PCNX2: variants seen among roughly 807,000 people sequenced by gnomAD.
PCNX2 encodes pecanex-like protein 2.
In PCNX2, 168 loss-of-function variants were observed where a neutral mutation model predicts 223.8. That is an observed-to-expected ratio of 0.75 (90% confidence interval 0.66 to 0.85). The LOEUF is 0.85. Among genes scored for constraint, PCNX2 ranks in the 40% least tolerant of loss-of-function variants. PCNX2 has a pLI of 0.00. For synonymous variants in PCNX2, 1,006 were observed against 1,052.6 expected, an observed-to-expected ratio of 0.96 and a Z score of 0.86; for missense variants, 2,507 against 2,675.5, an observed-to-expected ratio of 0.94 and a Z score of 1.39.
At chr1:233,263,286 AT>A in intron 1 of PCNX2, 123 bp from the exon 2 acceptor site, 1 of 846,434 alleles carries the variant, frequency 1.2e-6, no homozygotes, top group Non-Finnish European at 1.7e-6. Context: ...AATTAGACTA[AT>A]TTTTTAAGTT....
chr1:233,188,270 T>A (rs985709876), intron 15 of PCNX2, among the ~76,000 whole-genome samples: 1 of 152,138 alleles, frequency 6.6e-6, no homozygotes, highest in Admixed American at 6.5e-5. Context: ...GGCTGTCGGA[T>A]TGCAGTCCCC....
At chr1:233,149,691 A>G (rs1677680626) in intron 19 of PCNX2, among the ~76,000 whole-genome samples, 1 of 152,180 alleles carries the variant, frequency 6.6e-6, no homozygotes, top group African/African-American at 2.4e-5. Context: ...TAGAAACAGG[A>G]TTCACTTACA....
At chr1:233,160,226 T>G (rs754017639) in intron 19 of PCNX2, 57 bp downstream of exon 19, 175 of 1,551,646 alleles carry the variant, frequency 1.1e-4, no homozygotes, top group Non-Finnish European at 1.5e-4. Context: ...GCTCTCCGGT[T>G]TAATGTATAC....
At chr1:233,093,089 G>T (rs181573935) in intron 22 of PCNX2, among the ~76,000 whole-genome samples, 253 of 152,304 alleles carry the variant, frequency 1.7e-3, no homozygotes, top group African/African-American at 5.7e-3. Context: ...GTGAGCCACT[G>T]TGCCCAGCCA....
intron 25 of PCNX2, among the ~76,000 whole-genome samples, chr1:233,030,803 C>A (rs2102842208): frequency 6.6e-6 from 1 of 152,354 alleles, no homozygotes; most frequent in South Asian, 2.1e-4. Context: ...TATATCATGT[C>A]ATTCCAGTTA....
At chr1:233,100,264 T>C (rs765133114) in intron 21 of PCNX2, among the ~76,000 whole-genome samples, 2 of 151,922 alleles carry the variant, frequency 1.3e-5, no homozygotes, top group East Asian at 3.9e-4. Context: ...AATACAAAAA[T>C]TAGCCGAGCG....
Position 233,283,418 on chromosome 1 carries a change from T to C in PCNX2, c.153+11908A>G, listed in dbSNP as rs564982017. On this transcript the variant is annotated intron_variant, in intron 1 of 33. Transcript: ENST00000258229. ...CCCCACCAAAAGGATCATGGCTCCT[T>C]GGTGAAATGGCTGATTCTTCCAGGG... Among the ~76,000 whole-genome samples the C allele has an allele frequency of 2.6e-5, 4 of 152,308 alleles. No individual in the cohort carries two copies. In the East Asian group the frequency reaches 7.7e-4, roughly 29 times the overall value.
chr1:233,289,103 C>T, intron 1 of PCNX2: 4 of 954,020 alleles, frequency 4.2e-6, no homozygotes, highest in South Asian at 1.3e-5. Flanking sequence ...TCCTGGGATG[C>T]TTTTGCTTAT....
At chr1:233,044,291 G>A (rs1671749900) in intron 25 of PCNX2, among the ~76,000 whole-genome samples, 2 of 152,094 alleles carry the variant, frequency 1.3e-5, no homozygotes, top group Non-Finnish European at 2.9e-5. Flanking sequence ...TGAGTTCATT[G>A]TAGATTCTGG....
At chr1:233,089,118 TTAA>T (rs1673746145) in intron 23 of PCNX2, among the ~76,000 whole-genome samples, 2 of 152,210 alleles carry the variant, frequency 1.3e-5, no homozygotes, top group Non-Finnish European at 2.9e-5. Context: ...AAGGTCTAAC[TTAA>T]TGATGACCTC....
rs900380737 is a variant in PCNX2, at chr1:233,070,860, C to G, written c.4077-13570G>C. Among the ~76,000 whole-genome samples, 4 of 152,086 alleles carry G rather than the reference C, an allele frequency of 2.6e-5. No individual in the cohort carries two copies. The South Asian group carries it at 8.3e-4, about 32-fold the overall frequency. On this transcript the variant is annotated intron_variant, in intron 23 of 33. Coordinates refer to ENST00000258229, the MANE Select transcript of PCNX2 (RefSeq NM_014801.4). Reference sequence around the variant, plus strand: ...GACCATCCTGGCTAACACGGTGAAACCCCATCTCTACTAAAAATACAAAAA... The same window carrying G: ...GACCATCCTGGCTAACACGGTGAAAGCCCATCTCTACTAAAAATACAAAAA...
chr1:233,214,627 GT>G (rs1351383106), intron 12 of PCNX2, among the ~76,000 whole-genome samples: 1 of 152,100 alleles, frequency 6.6e-6, no homozygotes, highest in Non-Finnish European at 1.5e-5. Flanking sequence ...GTTATTAGTG[GT>G]TACTGTCAGT....
At chr1:232,997,294 CTCTT>C (rs1179117337) in intron 32 of PCNX2, among the ~76,000 whole-genome samples, 1 of 152,202 alleles carries the variant, frequency 6.6e-6, no homozygotes, top group Non-Finnish European at 1.5e-5. Flanking sequence ...CATATATCCT[CTCTT>C]TCTCTCTCTC....
chr1:233,315,106 A>G, the PCNX2 span, among the ~76,000 whole-genome samples: 4 of 152,202 alleles, frequency 2.6e-5, no homozygotes, highest in African/African-American at 7.2e-5. Context: ...CTTACAGAGA[A>G]TAAGTGATAA....
At chr1:233,095,202 G>C (rs72763913) in intron 22 of PCNX2, among the ~76,000 whole-genome samples, 14,556 of 152,178 alleles carry the variant, frequency 0.096, 960 homozygotes, top group Non-Finnish European at 0.15. Context: ...AAACTATTAT[G>C]TAAACATTGT....
intron 19 of PCNX2, among the ~76,000 whole-genome samples, chr1:233,148,603 T>C (rs1265014538): frequency 6.6e-6 from 1 of 152,038 alleles, no homozygotes; most frequent in Non-Finnish European, 1.5e-5. Flanking sequence ...TGTTTCACCA[T>C]ATTGGCCAGG....
chr1:233,167,085 T>A (rs778017858), intron 17 of PCNX2, among the ~76,000 whole-genome samples: 1 of 152,220 alleles, frequency 6.6e-6, no homozygotes, highest in Non-Finnish European at 1.5e-5. Context: ...AAGACATTTG[T>A]GCTACCACGT....
chr1:233,153,332 C>G (rs1259875656), intron 19 of PCNX2, among the ~76,000 whole-genome samples: 1 of 152,100 alleles, frequency 6.6e-6, no homozygotes, highest in Non-Finnish European at 1.5e-5. Context: ...AGGAGGGAGT[C>G]AGGGAGGGAG....
rs530223467 is a variant in PCNX2, at chr1:233,038,093, T to A, written c.4352-12694A>T. 2.0e-4 allele frequency among the ~76,000 whole-genome samples: 31 copies of A among 152,348 alleles called. 1 individual carries two copies. The highest frequency in any genetic ancestry group is 1.5e-3 in the Admixed American group (23 of 15,296). On this transcript the variant is annotated intron_variant, in intron 25 of 33. Transcript: ENST00000258229. ...ATTTAAAATCAGTATTCTTCTTTTA[T>A]CACACACTGTCTAATGAGGCTTGAC...
Sources: gnomAD v4.1 joint callset for allele counts (sites outside exome capture counted in the v4.1 genomes callset) on GRCh38, gnomAD v4.1.1 for gene constraint, MANE v1.5 for transcripts, NCBI Gene and HGNC (gene_info 2026-07-23, HGNC 2026-07-21) for gene names.